Variants in ANGPT2 observed in about 807,000 individuals in gnomAD.
The protein encoded by ANGPT2 is angiopoietin 2.
Under a neutral mutation model 62.9 loss-of-function variants are expected in ANGPT2, and 28 were observed. The ratio of observed to expected loss-of-function variants is 0.44; its 90% confidence interval spans 0.33 to 0.61. The LOEUF (loss-of-function observed/expected upper bound fraction) is 0.61, where lower values mean the gene tolerates loss of function less well. ANGPT2 is among the 20% of genes least tolerant of loss of function. The pLI is 0.03. For synonymous variants in ANGPT2, 284 were observed against 207.8 expected, an observed-to-expected ratio of 1.37 and a Z score of -3.15; for missense variants, 727 against 594.9, an observed-to-expected ratio of 1.22 and a Z score of -2.31.
rs534561036 is a variant in ANGPT2 at position 6,550,313 on chromosome 8, G to A, written c.288+12334C>T. Among the ~76,000 whole-genome samples, 22 of 152,284 alleles carry A rather than the reference G, an allele frequency of 1.4e-4. No homozygotes were observed. In the East Asian group the frequency reaches 3.9e-3, roughly 27 times the overall value. ...CCCCGGGGCATCTGCCTCTCCCTATGTGTGTGGGTCCTGGGAGTGAGGCAG... is the reference window on the plus strand; with the variant it reads ...CCCCGGGGCATCTGCCTCTCCCTATATGTGTGGGTCCTGGGAGTGAGGCAG... On this transcript the variant is annotated intron_variant, in intron 1 of 8. Coordinates refer to ENST00000629816, the MANE Select transcript of ANGPT2 (RefSeq NM_001118887.2).
chr8:6,530,246 G>T (rs1482999808), intron 2 of ANGPT2, among the ~76,000 whole-genome samples: 1 of 151,974 alleles, frequency 6.6e-6, no homozygotes, highest in African/African-American at 2.4e-5. Context: ...GGTGGCTCAC[G>T]CCTGTGATCC....
At chr8:6,539,362 C>T (rs890398579) in intron 1 of ANGPT2, among the ~76,000 whole-genome samples, 3 of 152,118 alleles carry the variant, frequency 2.0e-5, no homozygotes, top group South Asian at 2.1e-4. Flanking sequence ...CTTTTCTTCA[C>T]GTTCAGTGTA....
intron 5 of ANGPT2, among the ~76,000 whole-genome samples, chr8:6,519,277 C>G (rs1425076624): frequency 6.6e-6 from 1 of 152,148 alleles, no homozygotes; most frequent in African/African-American, 2.4e-5. Flanking sequence ...GATGCTAAGA[C>G]ACCACCGGTC....
chr8:6,509,245 C>T (rs1814439541), intron 7 of ANGPT2, among the ~76,000 whole-genome samples, 183 bp from the exon 8 acceptor site: 1 of 152,218 alleles, frequency 6.6e-6, no homozygotes, highest in Non-Finnish European at 1.5e-5. Flanking sequence ...ATCATCAAAT[C>T]CTTCAGCAAA....
chr8:6,557,418 G>A (rs948773904), intron 1 of ANGPT2, among the ~76,000 whole-genome samples: 2 of 152,176 alleles, frequency 1.3e-5, no homozygotes, highest in Non-Finnish European at 2.9e-5. Flanking sequence ...TGTTGCGATT[G>A]CTGCCTTCGT....
At chr8:6,507,520 T>A (rs1330993471) in intron 8 of ANGPT2, 1 of 152,078 alleles carries the variant, frequency 6.6e-6, no homozygotes, top group Non-Finnish European at 1.5e-5. Flanking sequence ...CGTTTGTTCC[T>A]GTCAGTGAAT....
rs539732662 is a variant in ANGPT2, at chr8:6,500,895, A to T, written c.*2206T>A. On this transcript the variant is annotated 3_prime_UTR_variant, in exon 9 of 9. Coordinates refer to ENST00000629816, the MANE Select transcript of ANGPT2 (RefSeq NM_001118887.2). ...TATCACCTGCCTACAAAGAGAATTG[A>T]TATAAATTGTGTTGTTGCCAGTTTT... is the stretch of plus-strand genomic sequence containing the variant. The T allele has an allele frequency of 6.6e-6, 1 of 152,326 alleles. No homozygotes were observed. Among genetic ancestry groups the T allele is most frequent in the South Asian group, 2.1e-4 (1 of 4,818 alleles). 9.4% of individuals were successfully genotyped at this position (152,326 alleles called of 1,614,324 possible).
intron 1 of ANGPT2, among the ~76,000 whole-genome samples, chr8:6,559,216 T>TA (rs1236466406): frequency 8.5e-6 from 1 of 117,322 alleles, no homozygotes; most frequent in Non-Finnish European, 1.7e-5. Context: ...GAGTGTTTTG[T>TA]AGCCACACAC....
Position 6,519,935 on chromosome 8 carries a change from C to T in ANGPT2, c.856G>A (p.Val286Ile), listed in dbSNP as rs766039126. The change falls in exon 5 of 9, where the codon GTA becomes ATA. Residue 286 changes from valine (V) to isoleucine (I), a missense_variant. Coordinates refer to ENST00000629816, the MANE Select transcript of ANGPT2 (RefSeq NM_001118887.2). ...EQISFRDCAE[V>I]FKSGHTTNGI... ...TTCGTGGTGTGTCCTGATTTGAATACTTCAGCACAGTCTCTGAAGCTGATT... is the reference window on the plus strand; with the variant it reads ...TTCGTGGTGTGTCCTGATTTGAATATTTCAGCACAGTCTCTGAAGCTGATT... 1.2e-6 allele frequency: 2 copies of T among 1,614,118 alleles called. No homozygotes were observed. The highest frequency in any genetic ancestry group is 4.5e-5 in the East Asian group (2 of 44,884).
At chr8:6,514,606 G>A in intron 6 of ANGPT2, 71 bp downstream of exon 6, 1 of 1,360,338 alleles carries the variant, frequency 7.4e-7, no homozygotes, top group Non-Finnish European at 1.0e-6. Context: ...TGGTGGTTAA[G>A]GTTCCGCAGA....
chr8:6,525,025 G>T (rs201852671), intron 3 of ANGPT2, among the ~76,000 whole-genome samples: 3 of 152,194 alleles, frequency 2.0e-5, no homozygotes, highest in Non-Finnish European at 4.4e-5. Context: ...TAAAATGAAG[G>T]CATTCGATTT....
intron 8 of ANGPT2, among the ~76,000 whole-genome samples, chr8:6,504,317 C>CAA (rs35379672): frequency 0.094 from 8,052 of 85,448 alleles, 682 homozygotes; most frequent in East Asian, 0.23. Flanking sequence ...GACTCCAGCT[C>CAA]AAAAAAAAAA....
intron 1 of ANGPT2, among the ~76,000 whole-genome samples, chr8:6,538,734 C>G (rs959612399): frequency 2.0e-5 from 3 of 152,168 alleles, no homozygotes; most frequent in Non-Finnish European, 4.4e-5. Flanking sequence ...CATTTTAAAT[C>G]TCCACAGACA....
At chr8:6,510,596 T>G (rs1814856087) in intron 7 of ANGPT2, among the ~76,000 whole-genome samples, 1 of 152,184 alleles carries the variant, frequency 6.6e-6, no homozygotes, top group Non-Finnish European at 1.5e-5. Context: ...CCATCTTTGT[T>G]TTGGCACTGA....
intron 1 of ANGPT2, among the ~76,000 whole-genome samples, chr8:6,550,510 C>G (rs1823451674): frequency 6.6e-6 from 1 of 152,214 alleles, no homozygotes; most frequent in African/African-American, 2.4e-5. Flanking sequence ...TGTGCCAAAA[C>G]TGGCCTGCTC....
intron 4 of ANGPT2, among the ~76,000 whole-genome samples, chr8:6,520,733 C>T (rs1817167908): frequency 6.6e-6 from 1 of 152,086 alleles, no homozygotes; most frequent in African/African-American, 2.4e-5. Context: ...CAAAGTGAAA[C>T]AATAATAAGG....
In ANGPT2 at chr8:6,503,222, C is replaced by G; in HGVS notation, c.1367G>C (p.Gly456Ala). The G allele has an allele frequency of 6.2e-7, 1 of 1,614,108 alleles. No individual in the cohort carries two copies. ...GTTCTGCCTCTGTGGATAGTACATTCCGTTCAAGTTGGAAGGACCACATGC... is the reference window on the plus strand; with the variant it reads ...GTTCTGCCTCTGTGGATAGTACATTGCGTTCAAGTTGGAAGGACCACATGC... ...FDACGPSNLNGMYYPQRQNTN... is the reference protein window; with the variant it reads ...FDACGPSNLNAMYYPQRQNTN... The change falls in exon 9 of 9, where the codon GGA becomes GCA. Residue 456 changes from glycine to alanine, a missense_variant. By Grantham distance (60) the Gly-to-Ala change is moderately conservative (BLOSUM62 0). Transcript: ENST00000629816.
At chr8:6,551,230 T>C (rs1479611796) in intron 1 of ANGPT2, among the ~76,000 whole-genome samples, 1 of 110,394 alleles carries the variant, frequency 9.1e-6, no homozygotes, top group African/African-American at 3.3e-5. Flanking sequence ...TTATTCGTGA[T>C]TTTTTTTTTC....
intron 7 of ANGPT2, among the ~76,000 whole-genome samples, chr8:6,510,834 C>A (rs925035822): frequency 6.6e-6 from 1 of 152,170 alleles, no homozygotes; most frequent in African/African-American, 2.4e-5. Context: ...TAAGGCAGCC[C>A]TAGAAACTTC....
Sources: gnomAD v4.1 joint callset for allele counts (sites outside exome capture counted in the v4.1 genomes callset) on GRCh38, gnomAD v4.1.1 for gene constraint, MANE v1.5 for transcripts, NCBI Gene and HGNC (gene_info 2026-07-23, HGNC 2026-07-21) for gene names.